The following NCOR2 variants were observed in gnomAD, a reference collection of about 807,000 sequenced individuals.
NCOR2 encodes nuclear receptor corepressor 2.
NCOR2 carries 81 observed loss-of-function variants against 262.9 expected under a neutral mutation model. The observed-to-expected ratio is 0.31, with a 90% CI of 0.26 to 0.37. NCOR2 has a LOEUF of 0.37. NCOR2 is among the 10% of genes least tolerant of loss of function. NCOR2 has a pLI of 1.00. For missense variants in NCOR2, 3,385 were observed against 3,621.4 expected (o/e 0.93, Z 1.68); for synonymous variants, 1,659 against 1,559.3 (o/e 1.06, Z -1.51).
At chr12:124,345,493 C>T (rs1386112196) in intron 31 of NCOR2, among the ~76,000 whole-genome samples, 1 of 152,196 alleles carries the variant, frequency 6.6e-6, no homozygotes, top group African/African-American at 2.4e-5. Context: ...ACCTTCGTAG[C>T]CAGGCCACCA....
intron 20 of NCOR2, among the ~76,000 whole-genome samples, chr12:124,368,622 C>T (rs910943776): frequency 1.3e-5 from 2 of 152,240 alleles, no homozygotes; most frequent in Non-Finnish European, 2.9e-5. Flanking sequence ...TACGCTCATG[C>T]GGCCACAGGG....
chr12:124,358,214 ATGTGTG>A (rs891239483), intron 22 of NCOR2, among the ~76,000 whole-genome samples: 4 of 140,320 alleles, frequency 2.9e-5, no homozygotes, highest in Admixed American at 7.1e-5. Flanking sequence ...GTGCATGTGC[ATGTGTG>A]TGTGAGTGCA....
At chr12:124,498,701 A>G (rs2136928662), upstream of NCOR2, among the ~76,000 whole-genome samples, 1 of 152,382 alleles carries the variant, frequency 6.6e-6, no homozygotes, top group South Asian at 2.1e-4. Flanking sequence ...CAGGGACTCA[A>G]ACAAAACACG....
At chr12:124,355,280 G>GCCCAATA in intron 24 of NCOR2, 152 bp downstream of exon 26, 5 of 924,120 alleles carry the variant, frequency 5.4e-6, no homozygotes, top group Non-Finnish European at 8.0e-6. Context: ...AGTGCCTGGG[G>GCCCAATA]CAGGACCCAG....
chr12:124,368,865 G>A (rs116029474), intron 20 of NCOR2, among the ~76,000 whole-genome samples: 2,655 of 152,338 alleles, frequency 0.017, 80 homozygotes, highest in African/African-American at 0.06. Context: ...AGTTTCCAGC[G>A]CCCCCGGCGC....
intron 44 of NCOR2, among the ~76,000 whole-genome samples, chr12:124,327,956 T>C (rs1482063304): frequency 6.6e-6 from 1 of 151,886 alleles, no homozygotes; most frequent in Non-Finnish European, 1.5e-5. Context: ...ATTCCTATTC[T>C]GTCCTCTGGG....
chr12:124,401,560 C>G (rs1432722170), intron 14 of NCOR2, among the ~76,000 whole-genome samples: 1 of 152,244 alleles, frequency 6.6e-6, no homozygotes, highest in African/African-American at 2.4e-5. Context: ...AAGGGCCGGG[C>G]ATCATCTTAG....
intron 16 of NCOR2, among the ~76,000 whole-genome samples, chr12:124,393,626 G>A (rs2041464698): frequency 6.6e-6 from 1 of 152,198 alleles, no homozygotes. Context: ...TTGGCCCATG[G>A]ACTAACCTGT....
rs112515727 is a variant in NCOR2 at position 124,430,798 on chromosome 12, G to A, written c.883-11C>T. ...GCAGAACTTCTGCTCCTGGGAGAGC[G>A]CAGGGGGCACTGCGGAAGATGCTCC... On this transcript the variant is annotated splice_polypyrimidine_tract_variant and intron_variant, in intron 8 of 46. Transcript: ENST00000405201. 100 of 1,597,444 alleles carry A rather than the reference G, an allele frequency of 6.3e-5. 1 individual carries two copies. The highest frequency in any genetic ancestry group is 1.7e-4 in the Middle Eastern group (1 of 5,978).
chr12:124,489,882 G>A (rs2047989077), intron 1 of NCOR2, among the ~76,000 whole-genome samples: 3 of 152,156 alleles, frequency 2.0e-5, no homozygotes, highest in Non-Finnish European at 2.9e-5. Context: ...CTTTGCGGGA[G>A]AGGAGTGCCC....
chr12:124,414,846 C>A (rs983507892), intron 13 of NCOR2, among the ~76,000 whole-genome samples: 1 of 152,156 alleles, frequency 6.6e-6, no homozygotes, highest in Non-Finnish European at 1.5e-5. Flanking sequence ...CACTCAGAAA[C>A]CTATGAGGGA....
At chr12:124,496,230 C>A (rs1326618056), upstream of NCOR2, among the ~76,000 whole-genome samples, 1 of 151,836 alleles carries the variant, frequency 6.6e-6, no homozygotes, top group African/African-American at 2.4e-5. The surrounding 1 kb of genome is among the most constrained non-coding windows in gnomAD (Gnocchi z 4.4). Context: ...CCCTAAGCAC[C>A]CCCCACCCCC....
chr12:124,531,324 G>A lies in NCOR2; in HGVS notation c.-118+4241C>T, dbSNP rs372783993. On this transcript the variant is annotated intron_variant, in intron 1 of 46. Transcript: ENST00000404621. This position sits in a 1 kb window ranked among gnomAD's most constrained non-coding sequence, Gnocchi z 4.5. ...GTCCAGGGCTCCTGCTCCCCTCTGA[G>A]TGATGGCAGGGCAGGCGCCTGGAGC... Among the ~76,000 whole-genome samples the A allele has an allele frequency of 8.5e-5, 13 of 152,328 alleles. No individual in the cohort carries two copies. Among genetic ancestry groups the A allele is most frequent in the African/African-American group, 2.4e-4 (10 of 41,574 alleles).
intron 21 of NCOR2, 82 bp downstream of exon 23, chr12:124,363,597 C>T (rs778960365): frequency 4.4e-5 from 55 of 1,236,514 alleles, no homozygotes; most frequent in Non-Finnish European, 5.4e-5. Context: ...TGCATGCTCC[C>T]GCCCGTGGGA....
chr12:124,393,394 T>C (rs1273558136), intron 16 of NCOR2, among the ~76,000 whole-genome samples: 1 of 152,152 alleles, frequency 6.6e-6, no homozygotes, highest in Non-Finnish European at 1.5e-5. Context: ...GGGAGGTTGC[T>C]CACTTGCCCA....
At chr12:124,475,804 C>T (rs899000025) in intron 3 of NCOR2, among the ~76,000 whole-genome samples, 1 of 152,212 alleles carries the variant, frequency 6.6e-6, no homozygotes, top group East Asian at 1.9e-4. Flanking sequence ...AAGGGGGAGG[C>T]TGCAGGGGCT....
rs1243694793 is a variant in NCOR2, at chr12:124,378,090, C to T, written c.2167+147G>A. The stretch of plus-strand genomic sequence containing the variant: ...TGGTGAGTTTCTGGCAAGTCAGGCC[C>T]GCACCTTCCAGGGAGTCGAGGCCCC... On this transcript the variant is annotated intron_variant, in intron 18 of 46. Transcript: ENST00000405201. The surrounding 1 kb of genome is among the most constrained non-coding windows in gnomAD (Gnocchi z 4.2). The T allele has an allele frequency of 1.0e-5, 15 of 1,475,738 alleles. No homozygotes were observed. Among genetic ancestry groups the T allele is most frequent in the Admixed American group, 4.7e-5 (2 of 42,984 alleles). The allele number at this position is 1,475,738 out of a possible 1,614,324, so 91.4% of individuals were successfully genotyped here. A position where few individuals can be genotyped will look rare whatever the true frequency, so the allele number is the denominator to read the frequency against.
At position 124,408,381 on chromosome 12, in the gene NCOR2, C is replaced by T. The variant is rs915213005; in HGVS notation, c.1483-5820G>A. On this transcript the variant is annotated intron_variant, in intron 13 of 46. Transcript: ENST00000405201. ...ACAAAAATAAATAAAAAAAGATATA[C>T]CAAGGCGTGCTGGAGCCAGTGGCTA... Among the ~76,000 whole-genome samples, 3 of 151,530 alleles carry T rather than the reference C, an allele frequency of 2.0e-5. No homozygotes were observed. The South Asian group carries it at 6.3e-4, about 32-fold the overall frequency.
At chr12:124,435,655 G>A (rs1023607066) in intron 8 of NCOR2, among the ~76,000 whole-genome samples, 2 of 152,070 alleles carry the variant, frequency 1.3e-5, no homozygotes, top group Admixed American at 6.5e-5. Flanking sequence ...CTGGCCCCAC[G>A]TGCCCACACA....
Sources: gnomAD v4.1 joint callset for allele counts (sites outside exome capture counted in the v4.1 genomes callset) on GRCh38, gnomAD v4.1.1 for gene constraint, Gnocchi (gnomAD v3.1) non-coding constraint, MANE v1.5 for transcripts, NCBI Gene and HGNC (gene_info 2026-07-23, HGNC 2026-07-21) for gene names.